Variants in AKAP14 observed in about 807,000 individuals in gnomAD.
The protein encoded by AKAP14 is A-kinase anchor protein 14.
AKAP14 carries 4 observed loss-of-function variants against 17.0 expected under a neutral mutation model. The observed-to-expected ratio is 0.23, with a 90% CI of 0.12 to 0.54. AKAP14 has a LOEUF of 0.54. Ranked by LOEUF, AKAP14 falls within the 20% of genes least tolerant of loss-of-function variation. The pLI, the probability that AKAP14 is intolerant of heterozygous loss-of-function variation, is 0.95. For missense variants in AKAP14, 129 were observed against 150.9 expected, an observed-to-expected ratio of 0.85 and a Z score of 0.76; for synonymous variants, 42 against 51.3, an observed-to-expected ratio of 0.82 and a Z score of 0.77.
At chrX:119,907,639 T>C (rs947318444) in intron 4 of AKAP14, among the ~76,000 whole-genome samples, 36 of 108,407 alleles carry the variant, frequency 3.3e-4, no homozygotes, top group African/African-American at 1.1e-3. Context: ...TTTATTTTTT[T>C]GTAGAGATGA....
intron 4 of AKAP14, among the ~76,000 whole-genome samples, chrX:119,905,050 C>CAA (rs35528603): frequency 0.033 from 3,173 of 95,193 alleles, 135 homozygotes; most frequent in African/African-American, 0.11. Context: ...GACCCTGTCT[C>CAA]AAAAAAAAAA....
intron 4 of AKAP14, among the ~76,000 whole-genome samples, chrX:119,908,300 A>AAAAAAAAAG (rs567352217): frequency 2.9e-5 from 3 of 103,497 alleles, no homozygotes; most frequent in Non-Finnish European, 3.9e-5. Flanking sequence ...AAAAAAAAAA[A>AAAAAAAAAG]AAGAAGGATG....
chrX:119,898,995 C>T lies in AKAP14; in HGVS notation c.-11+2728C>T, dbSNP rs774551464. Among the ~76,000 whole-genome samples the T allele has an allele frequency of 8.3e-4, 88 of 105,906 alleles. 1 individual carries two copies. The Middle Eastern group carries it at 0.015, about 18-fold the overall frequency. The allele number at this position is 105,906 out of a possible 115,157, so 92.0% of individuals were successfully genotyped here. On this transcript the variant is annotated intron_variant, in intron 2 of 6. Coordinates refer to ENST00000371431, the MANE Select transcript of AKAP14 (RefSeq NM_178813.6). ...CAGCCTGGCCAAGATGGTGAAACCC[C>T]GTCTCTACTAAAAATACAAAAATTA... is the stretch of plus-strand genomic sequence containing the variant.
intron 5 of AKAP14, among the ~76,000 whole-genome samples, chrX:119,918,219 T>C (rs2056669789): frequency 8.9e-6 from 1 of 111,815 alleles, no homozygotes; most frequent in South Asian, 3.7e-4. Context: ...ATATTCTATA[T>C]AATTGTTTTT....
chrX:119,905,524 C>T (rs1301262423), intron 4 of AKAP14, among the ~76,000 whole-genome samples: 2 of 111,899 alleles, frequency 1.8e-5, no homozygotes, highest in African/African-American at 6.5e-5. Context: ...AAAGTAAGTC[C>T]TGACAATGGT....
At position 119,914,839 on chromosome X, in the gene AKAP14, T is replaced by C; in HGVS notation, c.402T>C (p.Gly134=). 1 of 1,211,180 alleles carries C rather than the reference T, an allele frequency of 8.3e-7. No homozygotes were observed. The highest frequency in any genetic ancestry group is 1.7e-5 in the African/African-American group (1 of 57,848). Residue 134 remains glycine, a synonymous_variant, in exon 5 of 7, where the codon GGT becomes GGC. Coordinates refer to ENST00000371431, the MANE Select transcript of AKAP14 (RefSeq NM_178813.6). ...ADLPVARISA[G]TYFTMKVSKT... is the part of the protein sequence containing the mutation. Reference sequence around the variant, plus strand: ...TACCCGTAGCACGAATCTCTGCTGGTACCTACTTCACCATGAAGGTCTCCA... The same window carrying C: ...TACCCGTAGCACGAATCTCTGCTGGCACCTACTTCACCATGAAGGTCTCCA...
chrX:119,899,822 TA>T (rs747576405), intron 2 of AKAP14, among the ~76,000 whole-genome samples: 14 of 111,950 alleles, frequency 1.3e-4, no homozygotes, highest in African/African-American at 4.5e-4. Context: ...CATAGCACAT[TA>T]AACACCCCCA....
intron 5 of AKAP14, among the ~76,000 whole-genome samples, chrX:119,916,482 A>G (rs867542550): frequency 1.1e-5 from 1 of 92,823 alleles, no homozygotes; most frequent in South Asian, 4.9e-4. Flanking sequence ...CTATCTATCT[A>G]TCATCTATCT....
chrX:119,905,103 C>A (rs1166186539), intron 4 of AKAP14, among the ~76,000 whole-genome samples: 2 of 110,278 alleles, frequency 1.8e-5, no homozygotes, highest in Non-Finnish European at 3.8e-5. Flanking sequence ...GGAACAGAGA[C>A]CAGTTGAAAT....
rs140548365 is a variant in AKAP14 at position 119,910,556 on chromosome X, C to A, written c.262-4143C>A. On this transcript the variant is annotated intron_variant, in intron 4 of 6. Transcript: ENST00000371431. ...GGGATGCATTTTGACTTCTGTGGGC[C>A]CTAGGCACTCTTCCCTTTGTATCCC... Among the ~76,000 whole-genome samples the A allele has an allele frequency of 7.8e-3, 867 of 111,723 alleles. 8 individuals are homozygous for A. The highest frequency in any genetic ancestry group is 0.027 in the African/African-American group (832 of 30,832).
At chrX:119,920,424 G>A in intron 6 of AKAP14, 84 bp from the exon 7 acceptor site, 1 of 785,661 alleles carries the variant, frequency 1.3e-6, no homozygotes, top group Admixed American at 2.9e-5. Context: ...ATATAAAAGA[G>A]TAAATAGGGA....
At chrX:119,905,838 A>G (rs1257455365) in intron 4 of AKAP14, among the ~76,000 whole-genome samples, 1 of 110,177 alleles carries the variant, frequency 9.1e-6, no homozygotes, top group African/African-American at 3.3e-5. Flanking sequence ...AACCCTCTCC[A>G]CTTCTCTGAT....
At chrX:119,906,660 A>T (rs1459115801) in intron 4 of AKAP14, among the ~76,000 whole-genome samples, 1 of 109,972 alleles carries the variant, frequency 9.1e-6, no homozygotes, top group Non-Finnish European at 1.9e-5. Context: ...CAGCCTCCCG[A>T]GTAGCTGGAA....
Position 119,920,680 on chromosome X carries a change from C to A in AKAP14, c.*73C>A. The A allele has an allele frequency of 1.3e-6, 1 of 771,155 alleles. No homozygotes were observed. 63.6% of individuals were successfully genotyped at this position (771,155 alleles called of 1,213,427 possible). On this transcript the variant is annotated 3_prime_UTR_variant, in exon 7 of 7. Coordinates refer to ENST00000371431, the MANE Select transcript of AKAP14 (RefSeq NM_178813.6). ...AAATACAATACAGCACGTCAAACCACAGAATATTTATTGAGTAATAAACTT... is the reference window on the plus strand; with the variant it reads ...AAATACAATACAGCACGTCAAACCAAAGAATATTTATTGAGTAATAAACTT...
chrX:119,914,675 C>T, intron 4 of AKAP14, 24 bp from the exon 5 acceptor site: 1 of 1,185,430 alleles, frequency 8.4e-7, no homozygotes, highest in African/African-American at 1.8e-5. Flanking sequence ...TTTCTGTGTG[C>T]TTTTTCTTTT....
intron 2 of AKAP14, among the ~76,000 whole-genome samples, chrX:119,898,996 G>A (rs867670878): frequency 5.7e-5 from 6 of 105,740 alleles, no homozygotes; most frequent in Non-Finnish European, 7.7e-5. Flanking sequence ...GTGAAACCCC[G>A]TCTCTACTAA....
At chrX:119,912,652 A>G (rs2056633985) in intron 4 of AKAP14, among the ~76,000 whole-genome samples, 1 of 110,647 alleles carries the variant, frequency 9.0e-6, no homozygotes, top group Admixed American at 9.8e-5. Context: ...CGGCCTCCCA[A>G]AGTGCTGGCA....
intron 4 of AKAP14, among the ~76,000 whole-genome samples, chrX:119,905,063 G>A (rs1392029161): frequency 9.3e-6 from 1 of 107,917 alleles, no homozygotes; most frequent in African/African-American, 3.5e-5. Context: ...AAAAAAAAAA[G>A]GCTTGAAATC....
chrX:119,898,212 A>G (rs1043044209), intron 2 of AKAP14, among the ~76,000 whole-genome samples: 1 of 111,058 alleles, frequency 9.0e-6, no homozygotes, highest in African/African-American at 3.3e-5. Flanking sequence ...TTTAGGCCCA[A>G]CTACTCAGGA....
Sources: allele counts gnomAD v4.1 joint callset (sites outside exome capture counted in the v4.1 genomes callset), GRCh38; gene constraint gnomAD v4.1.1; transcripts MANE v1.5; gene names NCBI Gene and HGNC (gene_info 2026-07-23, HGNC 2026-07-21).